ATP7B: variants seen among roughly 807,000 people sequenced by gnomAD.
ATP7B encodes the protein copper-transporting ATPase 2.
A neutral mutation model predicts 118.9 loss-of-function variants in ATP7B; 113 were observed. That is an observed-to-expected ratio of 0.95 (90% CI 0.82 to 1.11). ATP7B has a LOEUF of 1.11. Among genes scored for constraint, ATP7B ranks in the 50% most tolerant of loss-of-function variants. The pLI, the probability that ATP7B is intolerant of heterozygous loss-of-function variation, is 0.00. For missense variants in ATP7B, 1,867 were observed against 1,871.4 expected (o/e 1.00, Z 0.04); for synonymous variants, 777 against 727.4 (o/e 1.07, Z -1.10).
At chr13:51,995,788 A>T (rs2140435043) in intron 1 of ATP7B, among the ~76,000 whole-genome samples, 1 of 152,136 alleles carries the variant, frequency 6.6e-6, no homozygotes, top group African/African-American at 2.4e-5. Context: ...TTTATCTACA[A>T]CCGTCCCAGC....
chr13:51,986,006 A>C (rs570214019), intron 1 of ATP7B, among the ~76,000 whole-genome samples: 2 of 152,204 alleles, frequency 1.3e-5, no homozygotes, highest in African/African-American at 4.8e-5. Context: ...TAAAAGAACT[A>C]GAGCAGCAAG....
chr13:51,935,932 C>T (rs959814695), intron 19 of ATP7B, among the ~76,000 whole-genome samples: 2 of 152,210 alleles, frequency 1.3e-5, no homozygotes, highest in Admixed American at 6.5e-5. Context: ...CCCTGATGTT[C>T]CCAGAACCAC....
At chr13:51,992,313 G>A (rs1952955844) in intron 1 of ATP7B, among the ~76,000 whole-genome samples, 1 of 152,170 alleles carries the variant, frequency 6.6e-6, no homozygotes, top group African/African-American at 2.4e-5. Flanking sequence ...TTTGCCCAGT[G>A]TATTAAATAA....
At chr13:51,977,595 A>T (rs924067424) in intron 1 of ATP7B, among the ~76,000 whole-genome samples, 1 of 152,194 alleles carries the variant, frequency 6.6e-6, no homozygotes, top group Non-Finnish European at 1.5e-5. Context: ...TTTTCTTTTT[A>T]TAAGTAGAAG....
chr13:51,954,427 A>G (rs533929518), intron 9 of ATP7B, among the ~76,000 whole-genome samples: 38 of 152,374 alleles, frequency 2.5e-4, no homozygotes, highest in Middle Eastern at 3.4e-3. Flanking sequence ...AATATGATCA[A>G]TTTGTGCTTT....
rs1448103955 is a variant in ATP7B at position 52,009,834 on chromosome 13, C to CA, written c.51+1452dup. Among the ~76,000 whole-genome samples the CA allele has an allele frequency of 3.3e-5, 5 of 151,978 alleles. No individual in the cohort carries two copies. The East Asian group carries it at 5.8e-4, about 18-fold the overall frequency. On this transcript the variant is annotated intron_variant, in intron 1 of 20. Transcript: ENST00000242839. ...TATGTGTTTGAGCACATAGTACACACAAAAAAATTTGTTGAATAAATGTTG... is the reference window on the plus strand; with the variant it reads ...TATGTGTTTGAGCACATAGTACACACAAAAAAAATTTGTTGAATAAATGTTG...
intron 3 of ATP7B, 24 bp from the exon 4 acceptor site, chr13:51,968,631 T>C: frequency 1.2e-6 from 2 of 1,613,680 alleles, no homozygotes; most frequent in Non-Finnish European, 1.7e-6. Context: ...GTCATGGCTG[T>C]AACACTCTGG....
chr13:51,999,065 A>AG (rs1330178552), intron 1 of ATP7B, among the ~76,000 whole-genome samples: 3 of 152,208 alleles, frequency 2.0e-5, no homozygotes, highest in African/African-American at 7.2e-5. Flanking sequence ...ACCAACAGTC[A>AG]GGGCTCTAGC....
chr13:51,973,892 A>G, intron 2 of ATP7B, 43 bp downstream of exon 2: 14 of 1,613,676 alleles, frequency 8.7e-6, no homozygotes, highest in Non-Finnish European at 1.1e-5. Context: ...ACACAAAGAG[A>G]AAAGGAGACA....
At chr13:51,961,621 C>T (rs529714653) in intron 6 of ATP7B, among the ~76,000 whole-genome samples, 2 of 152,314 alleles carry the variant, frequency 1.3e-5, no homozygotes, top group East Asian at 3.9e-4. Context: ...ATGTGACTAG[C>T]GGCTATCACA....
intron 1 of ATP7B, among the ~76,000 whole-genome samples, chr13:51,980,968 C>T (rs965212528): frequency 7.2e-5 from 11 of 152,144 alleles, no homozygotes; most frequent in East Asian, 1.9e-4. Context: ...TTCATATGCA[C>T]GCAGATCCAA....
At chr13:51,967,383 T>C (rs564849118) in intron 4 of ATP7B, among the ~76,000 whole-genome samples, 1 of 152,354 alleles carries the variant, frequency 6.6e-6, no homozygotes, top group African/African-American at 2.4e-5. Context: ...AAAAATTGTT[T>C]AAAAGAAATG....
rs759386572 is a variant in ATP7B at position 51,974,677 on chromosome 13, T to C, written c.543A>G (p.Gln181=). 13 of 1,611,328 alleles carry C rather than the reference T, an allele frequency of 8.1e-6. No individual in the cohort carries two copies. Among genetic ancestry groups the C allele is most frequent in the Non-Finnish European group, 1.1e-5 (13 of 1,177,688 alleles). Residue 181 remains glutamine (Q), a synonymous_variant, in exon 2 of 21, where the codon CAA becomes CAG. Transcript: ENST00000242839. ...VVRVKVSLSN[Q]EAVITYQPYL... is the part of the protein sequence containing the mutation. ...AAGGCTGATAAGTGATGACGGCCTCTTGGTTGCTGAGTGAGACTTTGACTC... is the reference window on the plus strand; with the variant it reads ...AAGGCTGATAAGTGATGACGGCCTCCTGGTTGCTGAGTGAGACTTTGACTC...
At chr13:51,949,502 A>T (rs1007006016) in intron 12 of ATP7B, among the ~76,000 whole-genome samples, 160 bp downstream of exon 12, 1 of 152,354 alleles carries the variant, frequency 6.6e-6, no homozygotes, top group East Asian at 1.9e-4. Flanking sequence ...GTGACTGTTT[A>T]TCCTACTCTG....
chr13:51,941,360 A>C, intron 15 of ATP7B, 136 bp from the exon 16 acceptor site: 1 of 1,032,052 alleles, frequency 9.7e-7, no homozygotes, highest in Non-Finnish European at 1.4e-6. Context: ...CTCTTGTGAC[A>C]GCATCCTTTA....
At position 51,937,470 on chromosome 13, in the gene ATP7B, G is replaced by A. The variant is rs2282057; in HGVS notation, c.3903+6C>T. On this transcript the variant is annotated splice_donor_region_variant and intron_variant, in intron 18 of 20. Transcript: ENST00000242839. ...GCACCCACAGCCTGGCTGCAGCCAC[G>A]CTCACTCTGATAAGGACGACGTCGG... 0.56 allele frequency: 906,752 copies of A among 1,613,818 alleles called. 256,755 individuals carry two copies. The highest frequency in any genetic ancestry group is 0.62 in the Middle Eastern group (3,785 of 6,062).
At chr13:51,958,772 T>C in intron 7 of ATP7B, 1 of 572,172 alleles carries the variant, frequency 1.7e-6, no homozygotes, top group South Asian at 2.0e-5. Flanking sequence ...ACCCAGTGCT[T>C]ACAACACAAA....
intron 11 of ATP7B, 80 bp downstream of exon 11, chr13:51,949,927 A>C: frequency 5.6e-6 from 9 of 1,611,828 alleles, no homozygotes; most frequent in Non-Finnish European, 7.6e-6. Context: ...TACTCAATAA[A>C]ACTGTCTGAT....
At chr13:51,993,293 C>T (rs1385498281) in intron 1 of ATP7B, among the ~76,000 whole-genome samples, 1 of 151,090 alleles carries the variant, frequency 6.6e-6, no homozygotes, top group East Asian at 2.0e-4. Flanking sequence ...AGCTGCCAGG[C>T]ACGGTGGCTC....
Sources: gnomAD v4.1 joint callset for allele counts (sites outside exome capture counted in the v4.1 genomes callset) on GRCh38, gnomAD v4.1.1 for gene constraint, MANE v1.5 for transcripts, NCBI Gene and HGNC (gene_info 2026-07-23, HGNC 2026-07-21) for gene names.